The following GMDS variants were observed in gnomAD, a reference collection of about 807,000 sequenced individuals.
GMDS encodes GDP-mannose 4,6 dehydratase.
GMDS carries 20 observed loss-of-function variants against 49.9 expected under a neutral mutation model. The ratio of observed to expected loss-of-function variants is 0.40; its 90% confidence interval spans 0.28 to 0.58. The LOEUF is 0.58. Ranked by LOEUF, GMDS falls within the 20% of genes least tolerant of loss-of-function variation. GMDS has a pLI of 0.42. For missense variants in GMDS, 362 were observed against 481.4 expected (o/e 0.75, Z 2.32); for synonymous variants, 177 against 178.6 (o/e 0.99, Z 0.07).
chr6:1,811,224 C>T (rs1012466290), intron 7 of GMDS, among the ~76,000 whole-genome samples: 1 of 152,094 alleles, frequency 6.6e-6, no homozygotes, highest in African/African-American at 2.4e-5. Flanking sequence ...GATCTTTCAC[C>T]CTTGTCAAAA....
chr6:1,688,412 G>A (rs1256177958), intron 9 of GMDS, among the ~76,000 whole-genome samples: 3 of 152,188 alleles, frequency 2.0e-5, no homozygotes, highest in Non-Finnish European at 4.4e-5. Context: ...AATACAAGCT[G>A]GTCTACCTCT....
rs1048893849 is a variant in GMDS, at chr6:2,245,248, C to A, written c.102+73G>T. On this transcript the variant is annotated intron_variant, in intron 1 of 10. Transcript: ENST00000380815. The stretch of plus-strand genomic sequence containing the variant: ...CTGTTCCTGGAGAGACCGCAGCCCA[C>A]GAGTAGCGGCGCGTAGGGAGAGCAC... 52 of 1,044,028 alleles carry A rather than the reference C, an allele frequency of 5.0e-5. No homozygotes were observed. The South Asian group carries it at 6.9e-4, about 14-fold the overall frequency. The allele number at this position is 1,044,028 out of a possible 1,614,324, so 64.7% of individuals were successfully genotyped here. A position where few individuals can be genotyped will look rare whatever the true frequency, so the allele number is the denominator to read the frequency against.
chr6:1,777,008 GT>G (rs1418493674), intron 7 of GMDS, among the ~76,000 whole-genome samples: 1 of 152,230 alleles, frequency 6.6e-6, no homozygotes, highest in African/African-American at 2.4e-5. Flanking sequence ...TAGATGAGGT[GT>G]TAGATAATCA....
chr6:1,677,617 T>TA (rs1406213155), intron 9 of GMDS, among the ~76,000 whole-genome samples: 1 of 151,782 alleles, frequency 6.6e-6, no homozygotes, highest in Non-Finnish European at 1.5e-5. Flanking sequence ...TTTGCAGCCA[T>TA]AAAAAAGGAT....
At chr6:1,915,309 C>T (rs1261810814) in intron 7 of GMDS, among the ~76,000 whole-genome samples, 1 of 152,220 alleles carries the variant, frequency 6.6e-6, no homozygotes, top group Non-Finnish European at 1.5e-5. Flanking sequence ...GAGAATAAAG[C>T]ATTGCAGACA....
chr6:1,876,698 A>C (rs565233998), intron 7 of GMDS, among the ~76,000 whole-genome samples: 2 of 152,352 alleles, frequency 1.3e-5, no homozygotes, highest in Admixed American at 1.3e-4. Flanking sequence ...ACTCAATATA[A>C]ATATAAATAC....
intron 7 of GMDS, among the ~76,000 whole-genome samples, chr6:1,885,291 C>T (rs994910302): frequency 6.6e-6 from 1 of 152,174 alleles, no homozygotes; most frequent in African/African-American, 2.4e-5. Flanking sequence ...AATTATTTCT[C>T]ATTTTGAAGT....
chr6:2,195,649 T>A (rs533970662), intron 1 of GMDS, among the ~76,000 whole-genome samples: 1 of 152,216 alleles, frequency 6.6e-6, no homozygotes, highest in East Asian at 1.9e-4. Context: ...GTCCTTCTTT[T>A]TTTCTAAAGA....
chr6:2,087,872 C>T (rs569634533), intron 4 of GMDS, among the ~76,000 whole-genome samples: 1 of 152,240 alleles, frequency 6.6e-6, no homozygotes, highest in East Asian at 1.9e-4. Flanking sequence ...ATCTGCATTG[C>T]CCAAGTTTTG....
At chr6:2,153,385 A>G (rs576745050) in intron 1 of GMDS, among the ~76,000 whole-genome samples, 2 of 152,296 alleles carry the variant, frequency 1.3e-5, no homozygotes, top group African/African-American at 4.8e-5. Flanking sequence ...GCCAAAAAAT[A>G]CCAAATAATT....
chr6:1,914,131 GTTTTTTTTT>G (rs563808537), intron 7 of GMDS, among the ~76,000 whole-genome samples: 1 of 77,858 alleles, frequency 1.3e-5, no homozygotes, highest in African/African-American at 4.6e-5. Context: ...TTTTTTGTTT[GTTTTTTTTT>G]TTTTTTTTTT....
At position 1,640,242 on chromosome 6, in the gene GMDS, G is replaced by A. The variant is rs1711551711; in HGVS notation, c.988-15702C>T. ...TGCCCTCCTCATGCAGTTGGTTCCC[G>A]ACAGCCTGGAATATGCTTCCTCTTC... On this transcript the variant is annotated intron_variant, in intron 9 of 10. Transcript: ENST00000380815. This position sits in a 1 kb window ranked among gnomAD's most constrained non-coding sequence, Gnocchi z 4.0. Among the ~76,000 whole-genome samples the A allele has an allele frequency of 1.3e-5, 2 of 152,162 alleles. No individual in the cohort carries two copies. The highest frequency in any genetic ancestry group is 4.1e-4 in the South Asian group (2 of 4,836).
intron 9 of GMDS, among the ~76,000 whole-genome samples, chr6:1,686,732 C>A (rs1471349220): frequency 6.6e-6 from 1 of 152,130 alleles, no homozygotes; most frequent in Non-Finnish European, 1.5e-5. Flanking sequence ...TCACAGTGCA[C>A]AGTACATTAA....
At chr6:1,837,238 A>G (rs1376584242) in intron 7 of GMDS, among the ~76,000 whole-genome samples, 1 of 152,192 alleles carries the variant, frequency 6.6e-6, no homozygotes, top group Non-Finnish European at 1.5e-5. Flanking sequence ...TTATAATTGT[A>G]TGTCATCATT....
At chr6:1,756,805 T>C (rs911839161) in intron 7 of GMDS, among the ~76,000 whole-genome samples, 10 of 152,188 alleles carry the variant, frequency 6.6e-5, no homozygotes, top group Non-Finnish European at 1.5e-4. Flanking sequence ...AGACGATGCT[T>C]CTTTACGTGG....
chr6:2,106,285 C>T (rs548216829), intron 4 of GMDS, among the ~76,000 whole-genome samples: 23 of 152,272 alleles, frequency 1.5e-4, no homozygotes, highest in African/African-American at 3.8e-4. Context: ...AAAATTCTTA[C>T]GCATTACATT....
intron 1 of GMDS, among the ~76,000 whole-genome samples, chr6:2,187,419 C>G (rs1200090335): frequency 6.6e-6 from 1 of 152,166 alleles, no homozygotes; most frequent in African/African-American, 2.4e-5. Context: ...TCCAAGCAGA[C>G]CTAAACTACT....
intron 1 of GMDS, among the ~76,000 whole-genome samples, chr6:2,145,847 G>A (rs1445499551): frequency 3.9e-5 from 6 of 152,132 alleles, no homozygotes; most frequent in East Asian, 1.9e-4. Context: ...GCTACATAGC[G>A]ACATCTATCT....
intron 1 of GMDS, among the ~76,000 whole-genome samples, chr6:2,241,181 C>T (rs887883044): frequency 6.6e-6 from 1 of 152,126 alleles, no homozygotes; most frequent in African/African-American, 2.4e-5. Flanking sequence ...CCTGGAACGT[C>T]CTACATGCTG....
Sources: gnomAD v4.1 joint callset for allele counts (sites outside exome capture counted in the v4.1 genomes callset) on GRCh38, gnomAD v4.1.1 for gene constraint, Gnocchi (gnomAD v3.1) non-coding constraint, MANE v1.5 for transcripts, NCBI Gene and HGNC (gene_info 2026-07-23, HGNC 2026-07-21) for gene names.